The following ZNF337 variants were observed in gnomAD, a reference collection of about 807,000 sequenced individuals.
ZNF337 encodes the protein zinc finger protein 337.
A neutral mutation model predicts 12.1 loss-of-function variants in ZNF337; 8 were observed. The ratio of observed to expected loss-of-function variants is 0.66; its 90% CI spans 0.39 to 1.19. ZNF337 has a LOEUF of 1.19. Among genes scored for constraint, ZNF337 ranks in the 50% most tolerant of loss-of-function variants. ZNF337 has a pLI of 0.01. For missense variants in ZNF337, 882 were observed against 896.6 expected, an observed-to-expected ratio of 0.98 and a Z score of 0.21; for synonymous variants, 336 against 320.0, an observed-to-expected ratio of 1.05 and a Z score of -0.53.
chr20:25,690,681 G>T (rs930497499), intron 1 of ZNF337, among the ~76,000 whole-genome samples: 2 of 152,174 alleles, frequency 1.3e-5, no homozygotes, highest in Non-Finnish European at 2.9e-5. Flanking sequence ...GACCATCAAA[G>T]GCCCAGAGGA....
Position 25,675,518 on chromosome 20 carries a change from G to A in ZNF337, c.1770C>T (p.His590=), listed in dbSNP as rs138741395. The part of the protein sequence containing the change: ...GFILKSTLLF[H]QKTHSGEKPF... ...GCTTCTCCCCTGAGTGTGTCTTCTG[G>A]TGGAAGAGGAGAGTTGATTTTAGGA... The change falls in exon 5 of 5, where the codon CAC becomes CAT. Residue 590 remains histidine, a synonymous_variant. Coordinates refer to ENST00000252979, the MANE Select transcript of ZNF337 (RefSeq NM_015655.4). 30 of 1,613,848 alleles carry A rather than the reference G, an allele frequency of 1.9e-5. No homozygotes were observed. In the African/African-American group the frequency reaches 3.3e-4, roughly 18 times the overall value.
At chr20:25,692,455 G>A (rs561894978) in intron 1 of ZNF337, among the ~76,000 whole-genome samples, 2 of 152,272 alleles carry the variant, frequency 1.3e-5, no homozygotes, top group Admixed American at 6.5e-5. Flanking sequence ...CAGAAAGCAT[G>A]GGGTGGGGAG....
At chr20:25,679,859 T>G (rs548961588) in intron 4 of ZNF337, among the ~76,000 whole-genome samples, 1 of 152,266 alleles carries the variant, frequency 6.6e-6, no homozygotes, top group African/African-American at 2.4e-5. Context: ...TACCCCCATG[T>G]TAACATTATT....
Position 25,675,162 on chromosome 20 carries a change from C to G in ZNF337, c.2126G>C (p.Gly709Ala). ...CTCTTGGCATTCATAAGGCCTCTCT[C>G]CTGTGTGTATTCTTTCATGCACAGT... ...DLTVHERIHT[G>A]ERPYECQECG... The change falls in exon 5 of 5, where the codon GGA (glycine) becomes GCA (alanine). Residue 709 changes from glycine to alanine, a missense_variant. Transcript: ENST00000252979. 4 of 1,614,224 alleles carry G rather than the reference C, an allele frequency of 2.5e-6. No homozygotes were observed. The highest frequency in any genetic ancestry group is 2.5e-6 in the Non-Finnish European group (3 of 1,180,040).
In ZNF337 at chr20:25,673,453, T is replaced by C. The variant is rs1055061874; in HGVS notation, c.*1579A>G. ...CTGTGGTAATGAATGGTGGAAATGCTATTCCTAAGGAAGGATGGGCCATCT... is the reference window on the plus strand; with the variant it reads ...CTGTGGTAATGAATGGTGGAAATGCCATTCCTAAGGAAGGATGGGCCATCT... On this transcript the variant is annotated 3_prime_UTR_variant, in exon 5 of 5. Transcript: ENST00000252979. 5.9e-5 allele frequency among the ~76,000 whole-genome samples: 9 copies of C among 152,344 alleles called. No individual in the cohort carries two copies. Among genetic ancestry groups the C allele is most frequent in the African/African-American group, 1.9e-4 (8 of 41,594 alleles).
At position 25,674,753 on chromosome 20, in the gene ZNF337, TACA is replaced by T. The variant is rs1330878784; in HGVS notation, c.*276_*278del. The T allele has an allele frequency of 2.4e-5, 11 of 451,614 alleles. No homozygotes were observed. The highest frequency in any genetic ancestry group is 4.4e-5 in the Non-Finnish European group (11 of 250,984). The allele number at this position is 451,614 out of a possible 1,614,324, so 28.0% of individuals were successfully genotyped here. A position where few individuals can be genotyped will look rare whatever the true frequency, so the allele number is the denominator to read the frequency against. The stretch of plus-strand genomic sequence containing the variant: ...CTTAGAAAGCACAGCCTGGCACAAA[TACA>T]ACAAGAATATGTGCTCAGTAGGAAA... On this transcript the variant is annotated 3_prime_UTR_variant, in exon 5 of 5. Coordinates refer to ENST00000252979, the MANE Select transcript of ZNF337 (RefSeq NM_015655.4).
intron 1 of ZNF337, among the ~76,000 whole-genome samples, chr20:25,691,680 G>T (rs1320231155): frequency 6.6e-6 from 1 of 152,118 alleles, no homozygotes; most frequent in Non-Finnish European, 1.5e-5. Context: ...AAATGGGGGT[G>T]GGGAGGGTAG....
intron 4 of ZNF337, among the ~76,000 whole-genome samples, chr20:25,684,902 C>T (rs966768779): frequency 6.6e-6 from 1 of 151,194 alleles, no homozygotes. Flanking sequence ...TATATGTTCT[C>T]ACTCATAAGT....
chr20:25,673,433 G>A lies in ZNF337; in HGVS notation c.*1599C>T, dbSNP rs1279061410. 1.3e-5 allele frequency among the ~76,000 whole-genome samples: 2 copies of A among 152,202 alleles called. No individual in the cohort carries two copies. The highest frequency in any genetic ancestry group is 2.9e-5 in the Non-Finnish European group (2 of 68,044). ...TGGCCTTAATTGTGAAGGTTCTGTG[G>A]TAATGAATGGTGGAAATGCTATTCC... On this transcript the variant is annotated 3_prime_UTR_variant, in exon 5 of 5. Transcript: ENST00000252979.
At position 25,675,218 on chromosome 20, in the gene ZNF337, A is replaced by C. The variant is rs749184199; in HGVS notation, c.2070T>G (p.Cys690Trp). 6.2e-7 allele frequency: 1 copy of C among 1,614,214 alleles called. No individual in the cohort carries two copies. The highest frequency in any genetic ancestry group is 1.1e-5 in the South Asian group (1 of 91,088). The change falls in exon 5 of 5, where the codon TGT becomes TGG. Residue 690 changes from cysteine to tryptophan, a missense_variant. Cys to Trp is a radical substitution (Grantham distance 215, BLOSUM62 -2). Coordinates refer to ENST00000252979, the MANE Select transcript of ZNF337 (RefSeq NM_015655.4). ...CTGACTTACTGGTATAGCCTCGCTTACACTCCTGGCAAACAAAAGGCTTCT... is the reference window on the plus strand; with the variant it reads ...CTGACTTACTGGTATAGCCTCGCTTCCACTCCTGGCAAACAAAAGGCTTCT... ...SKEKPFVCQE[C>W]KRGYTSKSDL...
Position 25,676,439 on chromosome 20 carries a change from C to T in ZNF337, c.849G>A (p.Glu283=), listed in dbSNP as rs769279512. 2.5e-6 allele frequency: 4 copies of T among 1,614,124 alleles called. No individual in the cohort carries two copies. Among genetic ancestry groups the T allele is most frequent in the Non-Finnish European group, 3.4e-6 (4 of 1,180,028 alleles). The change falls in exon 5 of 5, where the codon GAG becomes GAA. Residue 283 remains glutamate, a synonymous_variant. Coordinates refer to ENST00000252979, the MANE Select transcript of ZNF337 (RefSeq NM_015655.4). ...AAGGCTTCTCTCCTGTGTGTGTTCT[C>T]TCATGCACAGTGAGGTATGACTTAC... The part of the protein sequence containing the change: ...YTSKSYLTVH[E]RTHTGEKPYE...
rs1189808139 is a variant in ZNF337, at chr20:25,676,453, G to A, written c.835C>T (p.Leu279Phe). 1 of 1,613,516 alleles carries A rather than the reference G, an allele frequency of 6.2e-7. No individual in the cohort carries two copies. Among genetic ancestry groups the A allele is most frequent in the East Asian group, 2.2e-5 (1 of 44,806 alleles). ...CGRGYTSKSY[L>F]TVHERTHTGE... ...GTGTGTGTTCTCTCATGCACAGTGA[G>A]GTATGACTTACTGGTATAGCCTCGT... The change falls in exon 5 of 5, where the codon CTC becomes TTC. Residue 279 changes from leucine to phenylalanine, a missense_variant. Transcript: ENST00000252979.
In ZNF337 at chr20:25,676,366, T is replaced by G. The variant is rs1600431536; in HGVS notation, c.922A>C (p.Asn308His). Residue 308 changes from asparagine (N) to histidine (H), a missense_variant, in exon 5 of 5, where the codon AAC becomes CAC. By Grantham distance (68) the Asn-to-His change is moderately conservative. Coordinates refer to ENST00000252979, the MANE Select transcript of ZNF337 (RefSeq NM_015655.4). Reference sequence around the variant, plus strand: ...CCTGAATGCGCCTTCAAGTGCTTGTTGTATGAGGACTTATCGTTAAACCTT... The same window carrying G: ...CCTGAATGCGCCTTCAAGTGCTTGTGGTATGAGGACTTATCGTTAAACCTT... ...GRRFNDKSSY[N>H]KHLKAHSGEK... 1 of 1,613,504 alleles carries G rather than the reference T, an allele frequency of 6.2e-7. No individual in the cohort carries two copies. Among genetic ancestry groups the G allele is most frequent in the Non-Finnish European group, 8.5e-7 (1 of 1,179,874 alleles).
chr20:25,680,341 T>C (rs2065755505), intron 4 of ZNF337, among the ~76,000 whole-genome samples: 1 of 152,146 alleles, frequency 6.6e-6, no homozygotes, highest in Non-Finnish European at 1.5e-5. Flanking sequence ...GGTATGCATA[T>C]ATCAAAATAC....
rs377155926 is a variant in ZNF337, at chr20:25,675,117, T to C, written c.2171A>G (p.Asn724Ser). ...ECQECGRKFS[N>S]KSYYSKHLKR... Reference sequence around the variant, plus strand: ...TAAGTGCTTACTGTAGTATGACTTATTGCTAAACTTTCGTCCACACTCTTG... The same window carrying C: ...TAAGTGCTTACTGTAGTATGACTTACTGCTAAACTTTCGTCCACACTCTTG... The change falls in exon 5 of 5, where the codon AAT becomes AGT. Residue 724 changes from asparagine to serine, a missense_variant. By Grantham distance (46) the Asn-to-Ser change is conservative. Coordinates refer to ENST00000252979, the MANE Select transcript of ZNF337 (RefSeq NM_015655.4). 6.8e-6 allele frequency: 11 copies of C among 1,614,034 alleles called. No homozygotes were observed. The highest frequency in any genetic ancestry group is 4.5e-5 in the East Asian group (2 of 44,882).
intron 4 of ZNF337, among the ~76,000 whole-genome samples, chr20:25,684,756 A>C (rs1319432783): frequency 6.6e-6 from 1 of 152,258 alleles, no homozygotes; most frequent in African/African-American, 2.4e-5. Context: ...CTGGATAAAG[A>C]AAATGTGGCA....
At chr20:25,690,997 C>A (rs1014058870) in intron 1 of ZNF337, among the ~76,000 whole-genome samples, 1 of 152,158 alleles carries the variant, frequency 6.6e-6, no homozygotes, top group East Asian at 1.9e-4. Flanking sequence ...CGGAAACCTT[C>A]CCCGGAGAAA....
chr20:25,686,211 TCAC>T, intron 2 of ZNF337, 89 bp from the exon 3 acceptor site: 2 of 1,592,800 alleles, frequency 1.3e-6, no homozygotes, highest in Non-Finnish European at 1.7e-6. Flanking sequence ...TGTACACAGA[TCAC>T]TACTTGATGA....
intron 1 of ZNF337, among the ~76,000 whole-genome samples, chr20:25,693,559 C>T (rs1035651759): frequency 2.0e-5 from 3 of 152,176 alleles, no homozygotes; most frequent in African/African-American, 7.2e-5. Flanking sequence ...CTGGTCTGCA[C>T]CACGAATGCA....
Sources: allele counts gnomAD v4.1 joint callset (sites outside exome capture counted in the v4.1 genomes callset), GRCh38; gene constraint gnomAD v4.1.1; transcripts MANE v1.5; gene names NCBI Gene and HGNC (gene_info 2026-07-23, HGNC 2026-07-21).